Variants in CDH4 observed in about 807,000 individuals in gnomAD.
CDH4 encodes the protein cadherin 4, also known as cadherin-4.
Under a neutral mutation model 86.0 loss-of-function variants are expected in CDH4, and 33 were observed. The ratio of observed to expected loss-of-function variants is 0.38; its 90% CI spans 0.29 to 0.51. The LOEUF is 0.51. Among genes scored for constraint, CDH4 ranks in the 20% least tolerant of loss-of-function variants. The pLI is 0.86. For missense variants in CDH4, 1,114 were observed against 1,307.4 expected (o/e 0.85, Z 2.28); for synonymous variants, 555 against 549.4 (o/e 1.01, Z -0.14).
chr20:61,554,543 G>A (rs73134534), intron 2 of CDH4, among the ~76,000 whole-genome samples: 5,952 of 152,322 alleles, frequency 0.039, 169 homozygotes, highest in Non-Finnish European at 0.063. Flanking sequence ...CAGCAGTCTG[G>A]AAAGGGCCCC....
intron 7 of CDH4, among the ~76,000 whole-genome samples, chr20:61,893,183 G>GTGGA: frequency 2.1e-5 from 2 of 93,434 alleles, no homozygotes; most frequent in Admixed American, 1.2e-4. Context: ...GGGTGGGTGG[G>GTGGA]TGGATAAATG....
intron 2 of CDH4, among the ~76,000 whole-genome samples, chr20:61,357,265 C>G (rs146282084): frequency 6.6e-6 from 1 of 152,330 alleles, no homozygotes; most frequent in Non-Finnish European, 1.5e-5. Flanking sequence ...TTCAGCCTCG[C>G]CTTGGACATC....
intron 2 of CDH4, among the ~76,000 whole-genome samples, chr20:61,256,188 G>C (rs947770024): frequency 1.3e-5 from 2 of 152,116 alleles, no homozygotes; most frequent in Non-Finnish European, 2.9e-5. Context: ...CCCAGAGAAG[G>C]CCTGAGGGGA....
At chr20:61,809,589 A>G (rs1406777335) in intron 4 of CDH4, among the ~76,000 whole-genome samples, 1 of 152,220 alleles carries the variant, frequency 6.6e-6, no homozygotes, top group Non-Finnish European at 1.5e-5. Flanking sequence ...GGCTGTGAGC[A>G]CACAAGGCAT....
intron 2 of CDH4, among the ~76,000 whole-genome samples, chr20:61,722,115 C>T (rs2088049190): frequency 6.6e-6 from 1 of 152,182 alleles, no homozygotes; most frequent in African/African-American, 2.4e-5. Flanking sequence ...ACAAGCACGC[C>T]CCAGGCCAAG....
chr20:61,692,191 A>G (rs930044376), intron 2 of CDH4, among the ~76,000 whole-genome samples: 12 of 148,544 alleles, frequency 8.1e-5, no homozygotes, highest in Admixed American at 2.0e-4. Flanking sequence ...ATGTGTCTGT[A>G]TATGTTTGTG....
In CDH4 at chr20:61,413,677, T is replaced by C. The variant is rs2085132252; in HGVS notation, c.169+158740T>C. On this transcript the variant is annotated intron_variant, in intron 2 of 15. Coordinates refer to ENST00000614565, the MANE Select transcript of CDH4 (RefSeq NM_001794.5). ...TTGGATGGGCCTTGCACATAGTAGA[T>C]GCTCAGATATTCACCATGGAGTCCC... is the stretch of plus-strand genomic sequence containing the variant. Among the ~76,000 whole-genome samples, 4 of 152,218 alleles carry C rather than the reference T, an allele frequency of 2.6e-5. No individual in the cohort carries two copies. The South Asian group carries it at 8.3e-4, about 32-fold the overall frequency.
chr20:61,924,602 G>GATGCCCCCTCAGCCCCTGT, intron 11 of CDH4, 126 bp downstream of exon 11: 1 of 964,232 alleles, frequency 1.0e-6, no homozygotes, highest in Non-Finnish European at 1.5e-6. Context: ...GTCACCCAGA[G>GATGCCCCCTCAGCCCCTGT]GGGCTGAGGG....
At chr20:61,882,024 G>A (rs142566569) in intron 7 of CDH4, among the ~76,000 whole-genome samples, 45 of 152,362 alleles carry the variant, frequency 3.0e-4, no homozygotes, top group Non-Finnish European at 5.6e-4. Context: ...CCGCCAGGAG[G>A]TGGAAGAGGC....
chr20:61,521,805 G>A (rs2085871238), intron 2 of CDH4, among the ~76,000 whole-genome samples: 1 of 152,216 alleles, frequency 6.6e-6, no homozygotes, highest in Admixed American at 6.5e-5. Context: ...TCTGACCCAG[G>A]TTTGGTGATC....
intron 2 of CDH4, among the ~76,000 whole-genome samples, chr20:61,512,076 G>T (rs142795169): frequency 6.6e-6 from 1 of 152,136 alleles, no homozygotes; most frequent in Non-Finnish European, 1.5e-5. Flanking sequence ...AATCAAGCCC[G>T]TGTGTTTACT....
At chr20:61,568,469 A>G (rs74973092) in intron 2 of CDH4, among the ~76,000 whole-genome samples, 4,393 of 152,342 alleles carry the variant, frequency 0.029, 161 homozygotes, top group African/African-American at 0.085. Context: ...CTGTGAGTCA[A>G]ACCTCTTTCC....
chr20:61,923,043 C>T (rs1613089), intron 9 of CDH4, among the ~76,000 whole-genome samples: 4,066 of 152,340 alleles, frequency 0.027, 178 homozygotes, highest in African/African-American at 0.092. Context: ...TCTGACCCTC[C>T]GCAACTGGTG....
intron 13 of CDH4, among the ~76,000 whole-genome samples, chr20:61,931,290 C>T (rs1317389571): frequency 2.0e-5 from 3 of 152,238 alleles, no homozygotes; most frequent in African/African-American, 4.8e-5. Flanking sequence ...ACCTGCAGTG[C>T]GTGGCTCCTC....
rs1007632955 is a variant in CDH4 at position 61,269,288 on chromosome 20, G to A, written c.169+14351G>A. Among the ~76,000 whole-genome samples the A allele has an allele frequency of 6.6e-6, 1 of 152,104 alleles. No individual in the cohort carries two copies. The highest frequency in any genetic ancestry group is 6.6e-5 in the Admixed American group (1 of 15,266). ...TGGCCCTGGAGGAGCCAGGATTGAT[G>A]GGGGGCAGCCTTCAGAGCCCAACCC... On this transcript the variant is annotated intron_variant, in intron 2 of 15. Transcript: ENST00000614565. The surrounding 1 kb of genome is among the most constrained non-coding windows in gnomAD (Gnocchi z 5.3).
chr20:61,723,043 A>G (rs1320503640), intron 2 of CDH4, among the ~76,000 whole-genome samples: 1 of 152,152 alleles, frequency 6.6e-6, no homozygotes, highest in East Asian at 1.9e-4. Context: ...GCTGTAGAAG[A>G]CATTAGAAAG....
intron 2 of CDH4, among the ~76,000 whole-genome samples, chr20:61,331,619 G>GCCCCGGCCACCTGCCCCAGA (rs1568801067): frequency 2.7e-5 from 1 of 36,694 alleles, no homozygotes; most frequent in Admixed American, 3.1e-4. Flanking sequence ...CCTGCCCCAG[G>GCCCCGGCCACCTGCCCCAGA]CCCACCTCCT....
intron 2 of CDH4, among the ~76,000 whole-genome samples, chr20:61,651,657 AGCATT>A (rs1380730066): frequency 6.6e-6 from 1 of 152,220 alleles, no homozygotes; most frequent in Non-Finnish European, 1.5e-5. Context: ...CCATCTGGTC[AGCATT>A]GCTGCAGGGG....
At chr20:61,367,489 C>A (rs1292639954) in intron 2 of CDH4, among the ~76,000 whole-genome samples, 1 of 151,934 alleles carries the variant, frequency 6.6e-6, no homozygotes, top group Non-Finnish European at 1.5e-5. Context: ...AAGGGGCTCC[C>A]ACTGACCCAA....
Sources: gnomAD v4.1 joint callset for allele counts (sites outside exome capture counted in the v4.1 genomes callset) on GRCh38, gnomAD v4.1.1 for gene constraint, Gnocchi (gnomAD v3.1) non-coding constraint, MANE v1.5 for transcripts, NCBI Gene and HGNC (gene_info 2026-07-23, HGNC 2026-07-21) for gene names.